The following AGBL4 variants were observed in gnomAD, a reference collection of about 807,000 sequenced individuals.
AGBL4 encodes the protein cytosolic carboxypeptidase 6.
Under a neutral mutation model 66.4 loss-of-function variants are expected in AGBL4, and 58 were observed. The ratio of observed to expected loss-of-function variants is 0.87; its 90% CI spans 0.71 to 1.09. The LOEUF is 1.09. Ranked by LOEUF, AGBL4 falls within the 50% of genes least tolerant of loss-of-function variation. AGBL4 has a pLI of 0.00. For missense variants in AGBL4, 579 were observed against 631.0 expected, an observed-to-expected ratio of 0.92 and a Z score of 0.88; for synonymous variants, 234 against 222.9, an observed-to-expected ratio of 1.05 and a Z score of -0.44.
rs1191923991 is a variant in AGBL4, at chr1:49,045,751, T to C, written c.427A>G (p.Arg143Gly). 3 of 1,551,732 alleles carry C rather than the reference T, an allele frequency of 1.9e-6. No homozygotes were observed. Among genetic ancestry groups the C allele is most frequent in the Non-Finnish European group, 1.7e-6 (2 of 1,146,916 alleles). Residue 143 changes from arginine to glycine, a missense_variant, in exon 5 of 14, where the codon AGG becomes GGG. Transcript: ENST00000371839. The part of the protein sequence containing the change: ...NVYYYRCPDH[R>G]KNYVMSFAFC... ...GCAAAGGACATCACATAGTTCTTCC[T>C]ATGGTCCGGGCAGCGGTAGTAGTAA...
chr1:49,463,992 C>T (rs1375482925), intron 3 of AGBL4, among the ~76,000 whole-genome samples: 2 of 151,650 alleles, frequency 1.3e-5, no homozygotes, highest in Admixed American at 1.3e-4. Context: ...AATAGGTCCA[C>T]AATAAACACA....
At chr1:49,896,906 C>T (rs963344890) in intron 1 of AGBL4, among the ~76,000 whole-genome samples, 1 of 151,826 alleles carries the variant, frequency 6.6e-6, no homozygotes, top group African/African-American at 2.4e-5. Context: ...TAAAATTCAG[C>T]AACCCTTCAT....
At chr1:48,861,387 A>G (rs1286916409) in intron 6 of AGBL4, among the ~76,000 whole-genome samples, 2 of 152,232 alleles carry the variant, frequency 1.3e-5, no homozygotes, top group Non-Finnish European at 2.9e-5. Flanking sequence ...AGAAAGACAT[A>G]GAATCTTAAG....
chr1:49,950,268 G>A (rs1656040344), intron 1 of AGBL4, among the ~76,000 whole-genome samples: 1 of 150,648 alleles, frequency 6.6e-6, no homozygotes, highest in African/African-American at 2.4e-5. Context: ...GGATAAGATT[G>A]GAGAGTATTA....
chr1:48,936,221 C>T (rs1335013607), intron 5 of AGBL4, among the ~76,000 whole-genome samples: 1 of 151,978 alleles, frequency 6.6e-6, no homozygotes, highest in Non-Finnish European at 1.5e-5. Context: ...TGCTTGAGCA[C>T]CACTCCACTC....
intron 4 of AGBL4, among the ~76,000 whole-genome samples, chr1:49,152,545 G>A (rs1646357085): frequency 6.6e-6 from 1 of 152,190 alleles, no homozygotes; most frequent in African/African-American, 2.4e-5. Context: ...AGGCTGCTGA[G>A]GTAAAGATGA....
chr1:49,533,819 T>C (rs1269877585), intron 3 of AGBL4, among the ~76,000 whole-genome samples: 1 of 152,104 alleles, frequency 6.6e-6, no homozygotes, highest in Non-Finnish European at 1.5e-5. Context: ...CTGCTTCACC[T>C]TGACCTTGGA....
intron 3 of AGBL4, among the ~76,000 whole-genome samples, chr1:49,613,983 C>T (rs1645203467): frequency 6.6e-6 from 1 of 152,142 alleles, no homozygotes; most frequent in Non-Finnish European, 1.5e-5. Flanking sequence ...TTCTTTAATA[C>T]TTGCTCCCTT....
chr1:49,838,380 G>A (rs1034691481), intron 2 of AGBL4, among the ~76,000 whole-genome samples: 2 of 152,212 alleles, frequency 1.3e-5, no homozygotes, highest in African/African-American at 4.8e-5. Flanking sequence ...ACCTGCAAGA[G>A]GTTCCTCTTA....
chr1:49,605,631 G>C (rs199524758), intron 3 of AGBL4, among the ~76,000 whole-genome samples: 3 of 152,096 alleles, frequency 2.0e-5, no homozygotes, highest in African/African-American at 7.2e-5. Context: ...CCTTTTAAAA[G>C]TCTTGTTGCC....
intron 3 of AGBL4, among the ~76,000 whole-genome samples, chr1:49,494,408 A>C (rs1647340864): frequency 6.6e-6 from 1 of 151,896 alleles, no homozygotes; most frequent in Admixed American, 6.6e-5. Flanking sequence ...TATATCTCCC[A>C]ATGCTATCCC....
intron 3 of AGBL4, among the ~76,000 whole-genome samples, chr1:49,638,127 A>G (rs547561482): frequency 6.6e-6 from 1 of 152,334 alleles, no homozygotes; most frequent in East Asian, 1.9e-4. Context: ...GTATGGACTC[A>G]GGATTCCCTG....
At chr1:48,895,039 T>C (rs1219578158) in intron 5 of AGBL4, among the ~76,000 whole-genome samples, 2 of 152,200 alleles carry the variant, frequency 1.3e-5, no homozygotes, top group African/African-American at 4.8e-5. Flanking sequence ...CAGACGTACC[T>C]GGGCAGTTAA....
chr1:48,557,614 T>G (rs1644340353), intron 11 of AGBL4, among the ~76,000 whole-genome samples: 1 of 152,176 alleles, frequency 6.6e-6, no homozygotes, highest in Non-Finnish European at 1.5e-5. Context: ...AAGGAAGCAA[T>G]GGCTCTCTAG....
At chr1:48,869,479 T>C (rs1362287991) in intron 5 of AGBL4, among the ~76,000 whole-genome samples, 1 of 152,228 alleles carries the variant, frequency 6.6e-6, no homozygotes, top group African/African-American at 2.4e-5. Flanking sequence ...TTGGTGAAGA[T>C]GGCCTATTTG....
At chr1:48,810,695 C>T (rs528799731) in intron 6 of AGBL4, among the ~76,000 whole-genome samples, 1 of 152,298 alleles carries the variant, frequency 6.6e-6, no homozygotes, top group Admixed American at 6.5e-5. Context: ...AATAAATGAA[C>T]TTTACTGTGA....
At chr1:49,298,496 G>C (rs1164559347) in intron 3 of AGBL4, among the ~76,000 whole-genome samples, 3 of 152,162 alleles carry the variant, frequency 2.0e-5, no homozygotes, top group Admixed American at 1.3e-4. Context: ...AAGGATACAA[G>C]CTGGCCAGGC....
intron 4 of AGBL4, among the ~76,000 whole-genome samples, chr1:49,088,516 T>C (rs1401262739): frequency 1.3e-5 from 2 of 152,126 alleles, no homozygotes; most frequent in Non-Finnish European, 2.9e-5. Flanking sequence ...GGGCATTACA[T>C]AGTGGTAAAA....
At chr1:49,610,494 ATT>A (rs1239603571) in intron 3 of AGBL4, among the ~76,000 whole-genome samples, 2 of 152,198 alleles carry the variant, frequency 1.3e-5, no homozygotes, top group Non-Finnish European at 2.9e-5. Context: ...TAATCTGAAT[ATT>A]TGTGTCCCTC....
Sources: allele counts gnomAD v4.1 joint callset (sites outside exome capture counted in the v4.1 genomes callset), GRCh38; gene constraint gnomAD v4.1.1; transcripts MANE v1.5; gene names NCBI Gene and HGNC (gene_info 2026-07-23, HGNC 2026-07-21).